SCAPER: variants seen among roughly 807,000 people sequenced by gnomAD.
The protein encoded by SCAPER is S phase cyclin A-associated protein in the endoplasmic reticulum.
Under a neutral mutation model 182.2 loss-of-function variants are expected in SCAPER, and 98 were observed. The observed-to-expected ratio is 0.54, with a 90% CI of 0.46 to 0.64. The LOEUF (loss-of-function observed/expected upper bound fraction) is 0.64, where lower values mean the gene tolerates loss of function less well. SCAPER is among the 30% of genes least tolerant of loss of function. The pLI is 0.00. For missense variants in SCAPER, 1,432 were observed against 1,690.0 expected, an observed-to-expected ratio of 0.85 and a Z score of 2.68; for synonymous variants, 605 against 564.6, an observed-to-expected ratio of 1.07 and a Z score of -1.01.
chr15:76,520,256 T>C (rs1457589172), intron 23 of SCAPER, among the ~76,000 whole-genome samples: 1 of 152,200 alleles, frequency 6.6e-6, no homozygotes, highest in Non-Finnish European at 1.5e-5. Context: ...TCTCACTCTG[T>C]CACCCAAGCT....
intron 21 of SCAPER, among the ~76,000 whole-genome samples, chr15:76,653,679 C>T (rs903522779): frequency 6.6e-6 from 1 of 152,136 alleles, no homozygotes; most frequent in African/African-American, 2.4e-5. Context: ...AAGCTGGACC[C>T]CTACTTTTCA....
chr15:76,413,431 T>C (rs1384034993), intron 26 of SCAPER, among the ~76,000 whole-genome samples: 2 of 152,232 alleles, frequency 1.3e-5, no homozygotes, highest in African/African-American at 4.8e-5. Context: ...CTGCATCTAC[T>C]AAGATGATCT....
intron 1 of SCAPER, among the ~76,000 whole-genome samples, chr15:76,904,454 T>G (rs1433078269): frequency 6.6e-6 from 1 of 152,284 alleles, no homozygotes; most frequent in South Asian, 2.1e-4. Context: ...ACAACTAGAA[T>G]AAGAGATGCA....
At chr15:76,829,479 T>G (rs1410741821) in intron 5 of SCAPER, among the ~76,000 whole-genome samples, 1 of 152,190 alleles carries the variant, frequency 6.6e-6, no homozygotes, top group Non-Finnish European at 1.5e-5. Context: ...CAAGGAGTAT[T>G]TGTAAATACT....
intron 26 of SCAPER, among the ~76,000 whole-genome samples, chr15:76,418,669 CT>C (rs2045821138): frequency 6.6e-6 from 1 of 152,346 alleles, no homozygotes; most frequent in Non-Finnish European, 1.5e-5. Flanking sequence ...TGGCTGGATC[CT>C]AGGCCAGACA....
At chr15:76,853,739 T>A (rs923673534) in intron 4 of SCAPER, among the ~76,000 whole-genome samples, 1 of 152,096 alleles carries the variant, frequency 6.6e-6, no homozygotes, top group African/African-American at 2.4e-5. Flanking sequence ...TGGAAGCATC[T>A]CCCCTGAAAA....
At chr15:76,391,220 C>T (rs758832407) in intron 27 of SCAPER, among the ~76,000 whole-genome samples, 16 of 152,182 alleles carry the variant, frequency 1.1e-4, no homozygotes, top group Non-Finnish European at 1.0e-4. Flanking sequence ...TGCCTGGTTC[C>T]GTCTTAGCTT....
chr15:76,793,739 T>A (rs761133744), intron 8 of SCAPER, among the ~76,000 whole-genome samples: 17 of 152,184 alleles, frequency 1.1e-4, no homozygotes, highest in Non-Finnish European at 2.4e-4. Context: ...TGTGAGCCAC[T>A]CTAGCAAATT....
At chr15:76,743,254 A>G (rs988018453) in intron 15 of SCAPER, among the ~76,000 whole-genome samples, 16 of 152,164 alleles carry the variant, frequency 1.1e-4, no homozygotes, top group Non-Finnish European at 2.2e-4. Context: ...TAGAAATGGA[A>G]TACATGTCCA....
At chr15:76,432,468 C>A (rs754929759) in intron 26 of SCAPER, among the ~76,000 whole-genome samples, 27 of 152,170 alleles carry the variant, frequency 1.8e-4, no homozygotes, top group Admixed American at 1.8e-3. Flanking sequence ...TTATGAACTG[C>A]GAAAGAAGCA....
chr15:76,724,753 T>C (rs961937372), intron 17 of SCAPER, among the ~76,000 whole-genome samples: 1 of 152,246 alleles, frequency 6.6e-6, no homozygotes, highest in African/African-American at 2.4e-5. Context: ...CACGTAGTTC[T>C]CGTGCCATGG....
At chr15:76,583,413 G>T (rs1450118503) in intron 22 of SCAPER, among the ~76,000 whole-genome samples, 1 of 150,630 alleles carries the variant, frequency 6.6e-6, no homozygotes, top group East Asian at 1.9e-4. Context: ...GCAAAAAATG[G>T]ACAAATGGGA....
intron 5 of SCAPER, 54 bp from the exon 6 acceptor site, chr15:76,804,687 TGAA>T: frequency 8.5e-7 from 1 of 1,177,952 alleles, no homozygotes; most frequent in Non-Finnish European, 1.2e-6. Flanking sequence ...CTAAAAACTT[TGAA>T]GAAAAAAAAG....
intron 25 of SCAPER, among the ~76,000 whole-genome samples, chr15:76,469,580 CTT>C (rs2049969590): frequency 1.3e-5 from 2 of 152,212 alleles, no homozygotes; most frequent in African/African-American, 4.8e-5. Flanking sequence ...CAGTTCCTCA[CTT>C]TTTCCTTGTC....
At chr15:76,801,619 A>C (rs955791467) in intron 6 of SCAPER, among the ~76,000 whole-genome samples, 1 of 152,124 alleles carries the variant, frequency 6.6e-6, no homozygotes, top group African/African-American at 2.4e-5. Flanking sequence ...ATAACTGGCA[A>C]AAGTAAAAGG....
At chr15:76,480,979 G>T (rs2051083022) in intron 24 of SCAPER, among the ~76,000 whole-genome samples, 1 of 151,980 alleles carries the variant, frequency 6.6e-6, no homozygotes, top group African/African-American at 2.4e-5. Flanking sequence ...GATCCGCCCG[G>T]CTCGGCCTCC....
At chr15:76,495,991 GAGACACACACACAC>G (rs1235848441) in intron 24 of SCAPER, among the ~76,000 whole-genome samples, 75 of 100,974 alleles carry the variant, frequency 7.4e-4, no homozygotes, top group Admixed American at 3.1e-3. Context: ...GCAAAAGAGA[GAGACACACACACAC>G]ACACACACAC....
At chr15:76,637,796 GTGTATGTATA>G (rs2053764605) in intron 21 of SCAPER, among the ~76,000 whole-genome samples, 1 of 76,152 alleles carries the variant, frequency 1.3e-5, no homozygotes, top group African/African-American at 4.1e-5. Flanking sequence ...GTGTGTGTGT[GTGTATGTATA>G]TATATATTCC....
At chr15:76,888,593 TAATGA>T (rs1701194711) in intron 1 of SCAPER, among the ~76,000 whole-genome samples, 1 of 151,940 alleles carries the variant, frequency 6.6e-6, no homozygotes, top group Non-Finnish European at 1.5e-5. Flanking sequence ...AAGATCAAAT[TAATGA>T]AATGAAGTAA....
Sources: allele counts gnomAD v4.1 joint callset (sites outside exome capture counted in the v4.1 genomes callset), GRCh38; gene constraint gnomAD v4.1.1; transcripts MANE v1.5; gene names NCBI Gene and HGNC (gene_info 2026-07-23, HGNC 2026-07-21).